PCDHGB5: variants seen among roughly 807,000 people sequenced by gnomAD.
PCDHGB5 encodes protocadherin gamma-B5.
In PCDHGB5, 48 loss-of-function variants were observed where a neutral mutation model predicts 62.9. That is an observed-to-expected ratio of 0.76 (90% CI 0.61 to 0.97). The LOEUF (loss-of-function observed/expected upper bound fraction) is 0.97. PCDHGB5 is among the 50% of genes least tolerant of loss of function. The pLI is 0.00. For missense variants in PCDHGB5, 1,118 were observed against 1,198.6 expected, an observed-to-expected ratio of 0.93 and a Z score of 0.99; for synonymous variants, 474 against 511.2, an observed-to-expected ratio of 0.93 and a Z score of 0.98.
chr5:141,511,632 G>A lies in PCDHGB5; in HGVS notation c.*459G>A, dbSNP rs1388627906. The A allele has an allele frequency of 8.6e-6, 2 of 231,934 alleles. No homozygotes were observed. The highest frequency in any genetic ancestry group is 5.1e-5 in the Admixed American group (1 of 19,634). 14.4% of individuals were successfully genotyped at this position (231,934 alleles called of 1,614,324 possible). A position where few individuals can be genotyped will look rare whatever the true frequency, so the allele number is the denominator to read the frequency against. On this transcript the variant is annotated 3_prime_UTR_variant, in exon 4 of 4. Transcript: ENST00000617380. ...CCTCCTAGTTCTGAAAAGTTGGAAG[G>A]GCATCATGACCTCTTGGCCTCTCCT...
rs747283905 is a variant in PCDHGB5, at chr5:141,491,693, G to A, written c.2398-3114G>A. On this transcript the variant is annotated intron_variant, in intron 1 of 3. Transcript: ENST00000617380. The surrounding 1 kb of genome is among the most constrained non-coding windows in gnomAD (Gnocchi z 6.9). ...TCCCGCTCTAATACGCTGCGGGAGC[G>A]GAGCCAGGTGAGGGGCTCGGCGCCG... 3.7e-5 allele frequency: 59 copies of A among 1,612,434 alleles called. No homozygotes were observed. Among genetic ancestry groups the A allele is most frequent in the Non-Finnish European group, 4.7e-5 (55 of 1,179,352 alleles).
intron 1 of PCDHGB5, chr5:141,422,519 C>T (rs1297821851): frequency 6.2e-7 from 1 of 1,613,968 alleles, no homozygotes; most frequent in African/African-American, 1.3e-5. Context: ...CAGGGAAGCC[C>T]GCCTTTGTCT....
chr5:141,405,587 G>T, intron 1 of PCDHGB5: 1 of 585,648 alleles, frequency 1.7e-6, no homozygotes, highest in Non-Finnish European at 3.0e-6. Flanking sequence ...TGGGACTACA[G>T]GCCTCCCAAG....
At chr5:141,402,881 G>T in intron 1 of PCDHGB5, 1 of 1,477,920 alleles carries the variant, frequency 6.8e-7, no homozygotes. Context: ...ATACTTTGCA[G>T]GGTGGAAGAA....
At chr5:141,419,049 C>T in intron 1 of PCDHGB5, 6 of 1,613,954 alleles carry the variant, frequency 3.7e-6, no homozygotes, top group Non-Finnish European at 5.1e-6. Flanking sequence ...ATTCATTCTT[C>T]TTCTAATAAT....
chr5:141,418,946 G>T (rs2096305161), intron 1 of PCDHGB5: 1 of 1,613,900 alleles, frequency 6.2e-7, no homozygotes, highest in African/African-American at 1.3e-5. Context: ...TTCCCCTCCA[G>T]GAGTGGTTGT....
In PCDHGB5 at chr5:141,418,992, A is replaced by G. The variant is rs554523363; in HGVS notation, c.2397+18468A>G. 28 of 1,613,802 alleles carry G rather than the reference A, an allele frequency of 1.7e-5. No individual in the cohort carries two copies. The African/African-American group carries it at 2.7e-4, about 15-fold the overall frequency. On this transcript the variant is annotated intron_variant, in intron 1 of 3. Coordinates refer to ENST00000617380, the MANE Select transcript of PCDHGB5 (RefSeq NM_018925.3). Reference sequence around the variant, plus strand: ...AAAACACGGGACCAAGACTCAGGGGAAAATGGGGAAGTCAGGTGTAGCTTA... The same window carrying G: ...AAAACACGGGACCAAGACTCAGGGGGAAATGGGGAAGTCAGGTGTAGCTTA...
intron 1 of PCDHGB5, among the ~76,000 whole-genome samples, chr5:141,434,463 G>A (rs967685246): frequency 5.9e-5 from 9 of 152,192 alleles, no homozygotes; most frequent in Admixed American, 1.3e-4. Flanking sequence ...TGGGTTTACC[G>A]GAATGAGGGC....
At chr5:141,492,506 C>T (rs2154587372) in intron 1 of PCDHGB5, among the ~76,000 whole-genome samples, 2 of 152,318 alleles carry the variant, frequency 1.3e-5, no homozygotes, top group South Asian at 4.1e-4. Context: ...ACTCCGGAGC[C>T]TCCTCTCACC....
chr5:141,422,975 C>T (rs751065595), intron 1 of PCDHGB5: 130 of 1,614,092 alleles, frequency 8.1e-5, no homozygotes, highest in Non-Finnish European at 1.0e-4. Context: ...CCCCGCTCTG[C>T]GGAACCTGGC....
intron 1 of PCDHGB5, chr5:141,411,017 A>C (rs140607036): frequency 6.2e-6 from 1 of 162,372 alleles, no homozygotes; most frequent in Non-Finnish European, 1.3e-5. Context: ...CCACAGCTAA[A>C]TTTTTTGTAT....
At chr5:141,462,905 T>G (rs542357408) in intron 1 of PCDHGB5, among the ~76,000 whole-genome samples, 265 of 152,356 alleles carry the variant, frequency 1.7e-3, no homozygotes, top group Non-Finnish European at 3.1e-3. Flanking sequence ...AAGGCTATTA[T>G]GTTTTTTGCA....
At chr5:141,446,390 G>A (rs2098500089) in intron 1 of PCDHGB5, among the ~76,000 whole-genome samples, 1 of 152,284 alleles carries the variant, frequency 6.6e-6, no homozygotes, top group African/African-American at 2.4e-5. Context: ...ATAGATTTAA[G>A]AGAAATCGAG....
intron 1 of PCDHGB5, chr5:141,442,421 T>G (rs1288481455): frequency 1.3e-5 from 2 of 152,290 alleles, no homozygotes; most frequent in East Asian, 3.9e-4. Flanking sequence ...TGAACTTCTT[T>G]TTTGAATCCC....
At chr5:141,413,118 G>C (rs999214227) in intron 1 of PCDHGB5, 1 of 1,517,152 alleles carries the variant, frequency 6.6e-7, no homozygotes, top group Non-Finnish European at 8.9e-7. Flanking sequence ...CAAAGGAACC[G>C]GTTGAAACAC....
Position 141,431,222 on chromosome 5 carries a change from C to A in PCDHGB5, c.2397+30698C>A. On this transcript the variant is annotated intron_variant, in intron 1 of 3. Transcript: ENST00000617380. The surrounding 1 kb of genome is among the most constrained non-coding windows in gnomAD (Gnocchi z 4.8). ...AGCCACTGAGATGCGGTTCCCTCTA[C>A]CCCACGCCTGGGATCCGGATATCGG... 3 of 1,614,170 alleles carry A rather than the reference C, an allele frequency of 1.9e-6. No individual in the cohort carries two copies. The highest frequency in any genetic ancestry group is 2.5e-6 in the Non-Finnish European group (3 of 1,180,034).
At chr5:141,407,271 GA>G (rs2094907406) in intron 1 of PCDHGB5, among the ~76,000 whole-genome samples, 1 of 152,204 alleles carries the variant, frequency 6.6e-6, no homozygotes, top group African/African-American at 2.4e-5. Context: ...CATGCAACAA[GA>G]AAATTGTTAC....
rs2097383403 is a variant in PCDHGB5 at position 141,431,483 on chromosome 5, T to C, written c.2397+30959T>C. On this transcript the variant is annotated intron_variant, in intron 1 of 3. Coordinates refer to ENST00000617380, the MANE Select transcript of PCDHGB5 (RefSeq NM_018925.3). This position sits in a 1 kb window ranked among gnomAD's most constrained non-coding sequence, Gnocchi z 4.8. ...GGATGCGAACGACAACGCACCAGCG[T>C]TTGCTCAGCCCGAGTACCGCGCGAG... 2 of 1,613,758 alleles carry C rather than the reference T, an allele frequency of 1.2e-6. No homozygotes were observed. The highest frequency in any genetic ancestry group is 2.7e-5 in the African/African-American group (2 of 74,938).
Position 141,398,973 on chromosome 5 carries a change from C to T in PCDHGB5, c.846C>T (p.Tyr282=). ...GINSEITYSF[Y]RTGQIFSLNS... is the part of the protein sequence containing the mutation. Reference sequence around the variant, plus strand: ...ACTCAGAAATTACTTATTCCTTCTACAGAACCGGGCAAATCTTTAGTCTGA... The same window carrying T: ...ACTCAGAAATTACTTATTCCTTCTATAGAACCGGGCAAATCTTTAGTCTGA... Residue 282 remains tyrosine, a synonymous_variant, in exon 1 of 4, where the codon TAC becomes TAT. Coordinates refer to ENST00000617380, the MANE Select transcript of PCDHGB5 (RefSeq NM_018925.3). 1 of 1,613,952 alleles carries T rather than the reference C, an allele frequency of 6.2e-7. No individual in the cohort carries two copies. The highest frequency in any genetic ancestry group is 8.5e-7 in the Non-Finnish European group (1 of 1,179,898).
Sources: allele counts gnomAD v4.1 joint callset (sites outside exome capture counted in the v4.1 genomes callset), GRCh38; gene constraint gnomAD v4.1.1; non-coding constraint Gnocchi (gnomAD v3.1); transcripts MANE v1.5; gene names NCBI Gene and HGNC (gene_info 2026-07-23, HGNC 2026-07-21).